DCAF8L2: variants seen among roughly 807,000 people sequenced by gnomAD.
DCAF8L2 encodes the protein DDB1 and CUL4 associated factor 8 like 2, also known as DDB1- and CUL4-associated factor 8-like protein 2.
For missense variants in DCAF8L2, 430 were observed against 490.7 expected (o/e 0.88, Z 1.17); for synonymous variants, 200 against 190.9 (o/e 1.05, Z -0.39).
At chrX:27,494,196 A>G in the DCAF8L2 span, among the ~76,000 whole-genome samples, 1 of 111,097 alleles carries the variant, frequency 9.0e-6, no homozygotes, top group African/African-American at 3.3e-5. Flanking sequence ...TCATGAGGTC[A>G]GGAGTTCAAG....
At chrX:27,730,276 G>T (rs191246584) in intron 4 of DCAF8L2, among the ~76,000 whole-genome samples, 6 of 111,769 alleles carry the variant, frequency 5.4e-5, no homozygotes, top group Admixed American at 4.7e-4. Flanking sequence ...TTGTTTGCTT[G>T]CTTATTTATA....
At chrX:27,558,096 C>G in the DCAF8L2 span, among the ~76,000 whole-genome samples, 2 of 111,339 alleles carry the variant, frequency 1.8e-5, no homozygotes, top group South Asian at 7.6e-4. Context: ...ACTCTGACAC[C>G]CTTGAGTGCC....
At chrX:27,638,782 G>A (rs1299366668) in intron 2 of DCAF8L2, among the ~76,000 whole-genome samples, 1 of 111,215 alleles carries the variant, frequency 9.0e-6, no homozygotes, top group African/African-American at 3.3e-5. Context: ...AGATCTGTAG[G>A]TCTCAAACTT....
At chrX:27,529,161 A>G in the DCAF8L2 span, among the ~76,000 whole-genome samples, 1 of 111,725 alleles carries the variant, frequency 9.0e-6, no homozygotes, top group East Asian at 2.8e-4. Flanking sequence ...TTTGACATAT[A>G]TCATATGTAA....
intron 2 of DCAF8L2, among the ~76,000 whole-genome samples, chrX:27,671,385 G>A (rs1929947911): frequency 8.9e-6 from 1 of 111,753 alleles, no homozygotes; most frequent in Admixed American, 9.5e-5. Flanking sequence ...AAATCCTTAA[G>A]TACTATTAAG....
At chrX:27,514,180 A>G in the DCAF8L2 span, among the ~76,000 whole-genome samples, 19 of 95,726 alleles carry the variant, frequency 2.0e-4, no homozygotes, top group Non-Finnish European at 2.9e-4. Context: ...ATGTACATGT[A>G]TGTACCCGTG....
intron 2 of DCAF8L2, among the ~76,000 whole-genome samples, chrX:27,642,256 C>T (rs766025813): frequency 9.0e-5 from 10 of 110,934 alleles, no homozygotes; most frequent in Non-Finnish European, 1.9e-4. Context: ...TCCTTTTAAA[C>T]TTGTTTTTGA....
At position 27,746,908 on chromosome X, in the gene DCAF8L2, G is replaced by C. The variant is rs796489879; in HGVS notation, c.13G>C (p.Glu5Gln). ...AACATCGTTCAAGATGTCCCACCAA[G>C]AAGGCAGCACAGACGGCTTACCAGA... is the stretch of plus-strand genomic sequence containing the variant. The part of the protein sequence containing the change: MSHQ[E>Q]GSTDGLPDLG... The change falls in exon 5 of 5, where the codon GAA (glutamate) becomes CAA (glutamine). Residue 5 changes from glutamate (E) to glutamine (Q), a missense_variant. Coordinates refer to ENST00000451261, the MANE Select transcript of DCAF8L2 (RefSeq NM_001353450.2). 3.3e-6 allele frequency: 4 copies of C among 1,196,638 alleles called. No homozygotes were observed. Among genetic ancestry groups the C allele is most frequent in the Admixed American group, 2.3e-5 (1 of 42,840 alleles).
chrX:27,514,258 TGTGTGC>T, the DCAF8L2 span, among the ~76,000 whole-genome samples: 2 of 36,978 alleles, frequency 5.4e-5, no homozygotes, highest in South Asian at 4.5e-3. Context: ...TGTACATATA[TGTGTGC>T]ATATGTGCAC....
intron 2 of DCAF8L2, among the ~76,000 whole-genome samples, chrX:27,659,767 T>A (rs1031635207): frequency 9.0e-6 from 1 of 111,285 alleles, no homozygotes; most frequent in African/African-American, 3.3e-5. Flanking sequence ...GTTTCAAGAT[T>A]TCTATTTGGT....
chrX:27,722,232 C>T (rs958147008), intron 4 of DCAF8L2, among the ~76,000 whole-genome samples: 3 of 111,233 alleles, frequency 2.7e-5, no homozygotes, highest in African/African-American at 3.3e-5. Context: ...ATAAAAATAC[C>T]TTGATAAAAT....
the DCAF8L2 span, among the ~76,000 whole-genome samples, chrX:27,481,662 G>A: frequency 9.0e-6 from 1 of 111,128 alleles, no homozygotes; most frequent in Non-Finnish European, 1.9e-5. Flanking sequence ...TAAGGGATAG[G>A]TCAGGTAACG....
the DCAF8L2 span, among the ~76,000 whole-genome samples, chrX:27,476,323 A>G: frequency 9.9e-5 from 11 of 111,459 alleles, no homozygotes; most frequent in Non-Finnish European, 1.7e-4. Flanking sequence ...CTGAACTGCA[A>G]TGTTAGCAGT....
intron 3 of DCAF8L2, among the ~76,000 whole-genome samples, chrX:27,706,424 T>A: frequency 9.0e-6 from 1 of 111,145 alleles, no homozygotes; most frequent in South Asian, 3.7e-4. Flanking sequence ...TATTTTAACA[T>A]TATTGATTCT....
chrX:27,579,615 T>TACACACACACAC, the DCAF8L2 span, among the ~76,000 whole-genome samples: 930 of 87,916 alleles, frequency 0.011, 11 homozygotes, highest in African/African-American at 0.02. Flanking sequence ...TTCAGAGAAA[T>TACACACACACAC]ACACACACAC....
At chrX:27,551,809 C>T in the DCAF8L2 span, among the ~76,000 whole-genome samples, 1 of 111,959 alleles carries the variant, frequency 8.9e-6, no homozygotes, top group Admixed American at 9.5e-5. Flanking sequence ...ATGCAGGTAT[C>T]TCTTTGACAT....
At chrX:27,740,188 G>T (rs190675670) in intron 4 of DCAF8L2, among the ~76,000 whole-genome samples, 3 of 111,728 alleles carry the variant, frequency 2.7e-5, no homozygotes, top group Non-Finnish European at 1.9e-5. Flanking sequence ...TTACCCAACT[G>T]GTATGTGTTT....
intron 2 of DCAF8L2, among the ~76,000 whole-genome samples, chrX:27,663,907 A>C (rs1189587735): frequency 1.1e-5 from 1 of 87,247 alleles, no homozygotes; most frequent in Non-Finnish European, 2.2e-5. Flanking sequence ...ATGGGGTTTC[A>C]CCATATTGGT....
At chrX:27,647,943 C>A (rs960858604) in intron 2 of DCAF8L2, among the ~76,000 whole-genome samples, 1 of 111,553 alleles carries the variant, frequency 9.0e-6, no homozygotes, top group Admixed American at 9.6e-5. Context: ...CCATAAAATT[C>A]TATACCACAA....
Sources: gnomAD v4.1 joint callset for allele counts (sites outside exome capture counted in the v4.1 genomes callset) on GRCh38, gnomAD v4.1.1 for gene constraint, MANE v1.5 for transcripts, NCBI Gene and HGNC (gene_info 2026-07-23, HGNC 2026-07-21) for gene names.